Variants in PRAG1 observed in about 807,000 individuals in gnomAD.
PRAG1 encodes the protein inactive tyrosine-protein kinase PRAG1.
Under a neutral mutation model 95.6 loss-of-function variants are expected in PRAG1, and 110 were observed. The observed-to-expected ratio is 1.15, with a 90% CI of 0.99 to 1.35. PRAG1 has a LOEUF of 1.35. Ranked by LOEUF, PRAG1 falls within the 40% of genes most tolerant of loss-of-function variation. The probability of loss-of-function intolerance (pLI) is 0.00; values close to 1 mark genes in which losing one functional copy is unlikely to be tolerated. For missense variants in PRAG1, 2,554 were observed against 1,864.7 expected, an observed-to-expected ratio of 1.37 and a Z score of -6.81; for synonymous variants, 1,052 against 819.4, an observed-to-expected ratio of 1.28 and a Z score of -4.85.
At chr8:8,381,352 C>T in intron 2 of PRAG1, 66 bp downstream of exon 2, 1 of 1,491,090 alleles carries the variant, frequency 6.7e-7, no homozygotes. Context: ...TGGCTGCCAG[C>T]CAGTCACCAA....
At position 8,339,564 on chromosome 8, in the gene PRAG1, C is replaced by A. The variant is rs1380047308; in HGVS notation, c.2234G>T (p.Ser745Ile). The change falls in exon 4 of 6, where the codon AGC becomes ATC. Residue 745 changes from serine (S) to isoleucine (I), a missense_variant. Transcript: ENST00000615670. ...GACGTGGACACCCCTGAAGGATGGG[C>A]TGAGGCTTTCTGCAGAGCCCTGGCT... The part of the protein sequence containing the change: ...KVSQGSAESL[S>I]PSFRGVHVSF... 11 of 1,614,070 alleles carry A rather than the reference C, an allele frequency of 6.8e-6. No individual in the cohort carries two copies.
chr8:8,344,626 C>A (rs1423872175), intron 3 of PRAG1, among the ~76,000 whole-genome samples: 1 of 152,168 alleles, frequency 6.6e-6, no homozygotes, highest in Non-Finnish European at 1.5e-5. Context: ...TTAGGGAACA[C>A]CTGCAGGTCA....
chr8:8,362,911 G>C (rs373295839), intron 3 of PRAG1, among the ~76,000 whole-genome samples: 1 of 152,056 alleles, frequency 6.6e-6, no homozygotes, highest in African/African-American at 2.4e-5. Flanking sequence ...AGAGGAAGTC[G>C]CTTATGTAAA....
Position 8,377,551 on chromosome 8 carries a change from G to T in PRAG1, c.858C>A (p.Pro286=), listed in dbSNP as rs202207565. ...RGRHGGRDCS[P]TCWEQGKCSG... Reference sequence around the variant, plus strand: ...AACACTTCCCCTGCTCCCAGCACGTGGGTGAGCAGTCCCTGCCACCATGCC... The same window carrying T: ...AACACTTCCCCTGCTCCCAGCACGTTGGTGAGCAGTCCCTGCCACCATGCC... Residue 286 remains proline (P), a synonymous_variant, in exon 3 of 6, where the codon CCC becomes CCA. Coordinates refer to ENST00000615670, the MANE Select transcript of PRAG1 (RefSeq NM_001080826.3). The T allele has an allele frequency of 4.9e-5, 79 of 1,602,534 alleles. No homozygotes were observed. The highest frequency in any genetic ancestry group is 6.6e-5 in the Non-Finnish European group (77 of 1,174,200).
intron 5 of PRAG1, among the ~76,000 whole-genome samples, chr8:8,322,043 C>T (rs1798486715): frequency 2.0e-5 from 3 of 152,198 alleles, no homozygotes; most frequent in South Asian, 2.1e-4. Context: ...CACTAGAGCT[C>T]ATCCCTGAAA....
At position 8,318,651 on chromosome 8, in the gene PRAG1, CG is replaced by C; in HGVS notation, c.3723del (p.Glu1242ArgfsTer116). 2 of 1,612,086 alleles carry C rather than the reference CG, an allele frequency of 1.2e-6. No homozygotes were observed. ...CGGTACTGGGAAGCAGACACGATCT[CG>C]GGGGCCAGCCGGGCCTGGCTCTTCT... The part of the protein sequence containing the change: ...QQKKSQARLA[P>X]EIVSASQYRK... On this transcript the variant is annotated frameshift_variant, in exon 6 of 6. Transcript: ENST00000615670. LOFTEE classifies it high-confidence loss of function. The surrounding 1 kb of genome is among the most constrained non-coding windows in gnomAD (Gnocchi z 4.2).
chr8:8,357,681 C>G (rs1799724230), intron 3 of PRAG1, among the ~76,000 whole-genome samples: 1 of 152,172 alleles, frequency 6.6e-6, no homozygotes, highest in African/African-American at 2.4e-5. Context: ...AACAATTCCA[C>G]TTTGTGGTAT....
chr8:8,376,625 G>A lies in PRAG1; in HGVS notation c.1784C>T (p.Pro595Leu). 6.2e-7 allele frequency: 1 copy of A among 1,604,816 alleles called. No individual in the cohort carries two copies. Among genetic ancestry groups the A allele is most frequent in the Non-Finnish European group, 8.5e-7 (1 of 1,175,210 alleles). ...PQPPSQGPADPAPSCRTNGVA... is the reference protein window; with the variant it reads ...PQPPSQGPADLAPSCRTNGVA... Reference sequence around the variant, plus strand: ...ACCGTTGGTCCGGCAGGAAGGAGCGGGGTCAGCAGGACCTTGGGATGGAGG... The same window carrying A: ...ACCGTTGGTCCGGCAGGAAGGAGCGAGGTCAGCAGGACCTTGGGATGGAGG... The change falls in exon 3 of 6, where the codon CCC becomes CTC. Residue 595 changes from proline to leucine, a missense_variant. Physicochemically the swap from Pro to Leu is moderately conservative, Grantham distance 98 (BLOSUM62 -3). Coordinates refer to ENST00000615670, the MANE Select transcript of PRAG1 (RefSeq NM_001080826.3).
At position 8,377,665 on chromosome 8, in the gene PRAG1, G is replaced by A. The variant is rs775260935; in HGVS notation, c.744C>T (p.Ser248=). Residue 248 remains serine, a synonymous_variant, in exon 3 of 6, where the codon AGC becomes AGT. Transcript: ENST00000615670. Reference sequence around the variant, plus strand: ...GGATGGAGCAGTACTCTCCACCCTCGCTGTCCCCGGAGGGCGAGCACCTTT... The same window carrying A: ...GGATGGAGCAGTACTCTCCACCCTCACTGTCCCCGGAGGGCGAGCACCTTT... ...SDQRCSPSGD[S]EGGEYCSILD... The A allele has an allele frequency of 3.7e-6, 6 of 1,613,812 alleles. No individual in the cohort carries two copies. Among genetic ancestry groups the A allele is most frequent in the East Asian group, 2.2e-5 (1 of 44,864 alleles).
chr8:8,346,272 G>A, intron 3 of PRAG1, among the ~76,000 whole-genome samples: 1 of 152,248 alleles, frequency 6.6e-6, no homozygotes, highest in East Asian at 1.9e-4. Context: ...TTTTCTGTCT[G>A]TTTGGTGAAT....
intron 3 of PRAG1, among the ~76,000 whole-genome samples, chr8:8,342,634 C>T (rs1233288188): frequency 6.6e-6 from 1 of 152,140 alleles, no homozygotes; most frequent in African/African-American, 2.4e-5. Flanking sequence ...CTAGGACCAA[C>T]ATTTCCAGGA....
chr8:8,321,816 C>T (rs2117099718), intron 5 of PRAG1, among the ~76,000 whole-genome samples: 1 of 152,256 alleles, frequency 6.6e-6, no homozygotes, highest in East Asian at 1.9e-4. Context: ...TCATTATTTG[C>T]AGGAGTTATG....
intron 3 of PRAG1, among the ~76,000 whole-genome samples, chr8:8,369,238 C>G (rs1355513370): frequency 1.3e-5 from 2 of 151,250 alleles, no homozygotes; most frequent in East Asian, 1.9e-4. Flanking sequence ...TGAACATCTA[C>G]TACATATCCA....
intron 3 of PRAG1, among the ~76,000 whole-genome samples, chr8:8,351,508 T>C (rs996999148): frequency 6.6e-6 from 1 of 152,192 alleles, no homozygotes; most frequent in African/African-American, 2.4e-5. Flanking sequence ...CTACTCTTAC[T>C]ACAACATTTA....
chr8:8,376,886 T>G lies in PRAG1; in HGVS notation c.1523A>C (p.Gln508Pro). The G allele has an allele frequency of 6.2e-7, 1 of 1,613,284 alleles. No homozygotes were observed. Among genetic ancestry groups the G allele is most frequent in the Non-Finnish European group, 8.5e-7 (1 of 1,180,026 alleles). The change falls in exon 3 of 6, where the codon CAG (glutamine) becomes CCG (proline). Residue 508 changes from glutamine (Q) to proline (P), a missense_variant. Physicochemically the swap from Gln to Pro is moderately conservative, Grantham distance 76. Coordinates refer to ENST00000615670, the MANE Select transcript of PRAG1 (RefSeq NM_001080826.3). Reference protein sequence around the residue: ...GVQWPRGPVSQNSEVGEEETS... With the variant: ...GVQWPRGPVSPNSEVGEEETS... ...CTCCTCTTCACCTACCTCGGAGTTC[T>G]GGCTCACAGGCCCTCGTGGCCACTG...
chr8:8,384,333 G>C (rs898096214), intron 1 of PRAG1, among the ~76,000 whole-genome samples: 1 of 152,066 alleles, frequency 6.6e-6, no homozygotes, highest in African/African-American at 2.4e-5. Flanking sequence ...GAAGGATCTG[G>C]ATTGCTAGCG....
At chr8:8,350,532 C>T (rs1799487816) in intron 3 of PRAG1, among the ~76,000 whole-genome samples, 2 of 152,232 alleles carry the variant, frequency 1.3e-5, no homozygotes, top group Admixed American at 6.5e-5. Flanking sequence ...AGGGCCTCTC[C>T]TACCAGCTGC....
chr8:8,338,410 C>T (rs1193543278), intron 4 of PRAG1, among the ~76,000 whole-genome samples: 5 of 152,198 alleles, frequency 3.3e-5, no homozygotes, highest in Admixed American at 3.3e-4. Flanking sequence ...TCAGAGCTAA[C>T]CAGCACAGGG....
At chr8:8,383,158 C>T (rs1418683107) in intron 1 of PRAG1, among the ~76,000 whole-genome samples, 1 of 152,124 alleles carries the variant, frequency 6.6e-6, no homozygotes, top group African/African-American at 2.4e-5. Flanking sequence ...AGCCGGGTAC[C>T]CCAAAAATCA....
Sources: gnomAD v4.1 joint callset for allele counts (sites outside exome capture counted in the v4.1 genomes callset) on GRCh38, gnomAD v4.1.1 for gene constraint, Gnocchi (gnomAD v3.1) non-coding constraint, MANE v1.5 for transcripts, NCBI Gene and HGNC (gene_info 2026-07-23, HGNC 2026-07-21) for gene names.